The following PRDM2 variants were observed in gnomAD, a reference collection of about 807,000 sequenced individuals.
The protein encoded by PRDM2 is PR/SET domain 2.
In PRDM2, 30 loss-of-function variants were observed where a neutral mutation model predicts 130.0. That is an observed-to-expected ratio of 0.23 (90% CI 0.17 to 0.31). The LOEUF is 0.31. PRDM2 is among the 10% of genes least tolerant of loss of function. The pLI, the probability that PRDM2 is intolerant of heterozygous loss-of-function variation, is 1.00. For synonymous variants in PRDM2, 871 were observed against 782.4 expected (o/e 1.11, Z -1.89); for missense variants, 2,011 against 2,108.4 (o/e 0.95, Z 0.90).
chr1:13,760,664 GTCCTTAATTTTTC>G (rs1644075339), intron 6 of PRDM2, among the ~76,000 whole-genome samples: 1 of 152,098 alleles, frequency 6.6e-6, no homozygotes, highest in Non-Finnish European at 1.5e-5. Flanking sequence ...CCATGTTTTG[GTCCTTAATTTTTC>G]TGTCTATAAA....
chr1:13,782,729 G>T lies in PRDM2; in HGVS notation c.4934G>T (p.Ser1645Ile), dbSNP rs770044466. The T allele has an allele frequency of 1.1e-5, 17 of 1,613,868 alleles. No individual in the cohort carries two copies. Among genetic ancestry groups the T allele is most frequent in the Non-Finnish European group, 1.3e-5 (15 of 1,179,956 alleles). The part of the protein sequence containing the change: ...DRFNIKSRER[S>I]GGPVTRSLQL... ...TTCAATATAAAATCTAGAGAGCGGA[G>T]TGGGGGGCCAGTCACCCGGAGCCTT... Residue 1645 changes from serine (S) to isoleucine (I), a missense_variant, in exon 8 of 10, where the codon AGT becomes ATT. By Grantham distance (142) the Ser-to-Ile change is moderately radical. Coordinates refer to ENST00000311066, the MANE Select transcript of PRDM2 (RefSeq NM_001393986.1).
chr1:13,756,500 A>T (rs1643957671), intron 6 of PRDM2, among the ~76,000 whole-genome samples: 1 of 152,304 alleles, frequency 6.6e-6, no homozygotes, highest in East Asian at 1.9e-4. Flanking sequence ...GTGTTTTATT[A>T]ATATTCCTAA....
chr1:13,823,322 T>A lies in PRDM2; in HGVS notation c.*187T>A. On this transcript the variant is annotated 3_prime_UTR_variant, in exon 10 of 10. Transcript: ENST00000311066. Reference sequence around the variant, plus strand: ...GTTCACGTGTTCTCGTGCGGGCGCGTGAGTGGTCTTCAAACGAGGGTCCCG... The same window carrying A: ...GTTCACGTGTTCTCGTGCGGGCGCGAGAGTGGTCTTCAAACGAGGGTCCCG... The A allele has an allele frequency of 1.9e-6, 2 of 1,047,326 alleles. No individual in the cohort carries two copies. Among genetic ancestry groups the A allele is most frequent in the Non-Finnish European group, 2.9e-6 (2 of 695,352 alleles). 64.9% of individuals were successfully genotyped at this position (1,047,326 alleles called of 1,614,324 possible).
intron 8 of PRDM2, 82 bp from the exon 9 acceptor site, chr1:13,816,345 C>T: frequency 1.9e-5 from 29 of 1,543,912 alleles, no homozygotes; most frequent in South Asian, 7.1e-5. Context: ...TGGTGACCAG[C>T]ACTAAGGAAG....
intron 2 of PRDM2, among the ~76,000 whole-genome samples, chr1:13,722,189 C>T (rs1179374694): frequency 6.6e-6 from 1 of 152,194 alleles, no homozygotes; most frequent in Admixed American, 6.5e-5. Flanking sequence ...TGGGACCATT[C>T]TCCATAGGCC....
At chr1:13,715,405 A>G (rs1642502076) in intron 1 of PRDM2, 136 bp from the exon 2 acceptor site, 1 of 392,614 alleles carries the variant, frequency 2.5e-6, no homozygotes, top group East Asian at 4.1e-5. Flanking sequence ...AGCTCTCAGC[A>G]TAGATTGAAG....
intron 8 of PRDM2, among the ~76,000 whole-genome samples, chr1:13,800,593 A>G (rs1476183184): frequency 6.6e-6 from 1 of 152,204 alleles, no homozygotes; most frequent in Non-Finnish European, 1.5e-5. Context: ...GCCAGGAGGC[A>G]TATGCGCTGG....
chr1:13,802,431 C>A (rs900035744), intron 8 of PRDM2, among the ~76,000 whole-genome samples: 1 of 152,266 alleles, frequency 6.6e-6, no homozygotes, highest in Non-Finnish European at 1.5e-5. Context: ...TTGTTAGCAT[C>A]CCTGGACCGG....
chr1:13,731,391 C>CT (rs1474838223), intron 3 of PRDM2, among the ~76,000 whole-genome samples: 4 of 152,180 alleles, frequency 2.6e-5, no homozygotes, highest in African/African-American at 4.8e-5. Context: ...TCCTCCTCCT[C>CT]TGAGTCTCCC....
At chr1:13,721,116 C>T (rs967503419) in intron 2 of PRDM2, among the ~76,000 whole-genome samples, 5 of 152,062 alleles carry the variant, frequency 3.3e-5, no homozygotes, top group Non-Finnish European at 7.4e-5. Context: ...ACATATAGTC[C>T]TTGCCCTTTG....
intron 1 of PRDM2, among the ~76,000 whole-genome samples, chr1:13,709,101 C>G (rs184245966): frequency 7.9e-4 from 119 of 150,616 alleles, no homozygotes; most frequent in African/African-American, 2.9e-3. Flanking sequence ...TTTGTTTAGT[C>G]TAACAAGTGG....
intron 1 of PRDM2, among the ~76,000 whole-genome samples, chr1:13,711,230 A>G (rs139067148): frequency 1.6e-4 from 24 of 152,214 alleles, no homozygotes; most frequent in Non-Finnish European, 2.9e-4. Flanking sequence ...ACCATGTATT[A>G]GTTAAATGGG....
At chr1:13,738,415 C>T (rs532993141) in intron 4 of PRDM2, among the ~76,000 whole-genome samples, 5 of 152,210 alleles carry the variant, frequency 3.3e-5, no homozygotes, top group South Asian at 4.2e-4. Context: ...GTCCAGTGGC[C>T]GTTCACTGGG....
At chr1:13,724,656 A>G (rs1642850119) in intron 2 of PRDM2, among the ~76,000 whole-genome samples, 1 of 151,786 alleles carries the variant, frequency 6.6e-6, no homozygotes, top group Middle Eastern at 3.2e-3. Context: ...CACCATACTC[A>G]GCTAATTTTT....
At chr1:13,765,457 C>T (rs1644202546) in intron 6 of PRDM2, among the ~76,000 whole-genome samples, 1 of 151,978 alleles carries the variant, frequency 6.6e-6, no homozygotes, top group Non-Finnish European at 1.5e-5. Flanking sequence ...CATAGCATCA[C>T]TTGGCTATTC....
At chr1:13,716,921 C>G (rs2100420588) in intron 2 of PRDM2, among the ~76,000 whole-genome samples, 1 of 150,896 alleles carries the variant, frequency 6.6e-6, no homozygotes, top group East Asian at 2.0e-4. Context: ...TATCCCTCAT[C>G]AACTGAAACT....
chr1:13,785,184 C>T (rs542557951), intron 8 of PRDM2, among the ~76,000 whole-genome samples: 1 of 152,276 alleles, frequency 6.6e-6, no homozygotes, highest in South Asian at 2.1e-4. Flanking sequence ...GAACTACAGT[C>T]GTCTTTCTGT....
In PRDM2 at chr1:13,779,027, G is replaced by A. The variant is rs778928030; in HGVS notation, c.1232G>A (p.Arg411His). ...ATTAACCGGCGGCGACATGAGCGGC[G>A]CCATGAAGCAGGGTTAAAGCGGAAA... ...TQINRRRHER[R>H]HEAGLKRKPS... is the part of the protein sequence containing the mutation. The change falls in exon 8 of 10, where the codon CGC becomes CAC. Residue 411 changes from arginine (R) to histidine (H), a missense_variant. Arg to His is a conservative substitution (Grantham distance 29). Around this residue, in one of 5 missense-constraint regions of PRDM2, gnomAD observed 1,288 missense variants for 1,237.7 expected, o/e 1.04. Coordinates refer to ENST00000311066, the MANE Select transcript of PRDM2 (RefSeq NM_001393986.1). This position sits in a 1 kb window ranked among gnomAD's most constrained non-coding sequence, Gnocchi z 4.9. 6 of 1,614,130 alleles carry A rather than the reference G, an allele frequency of 3.7e-6. No homozygotes were observed. Among genetic ancestry groups the A allele is most frequent in the East Asian group, 2.2e-5 (1 of 44,876 alleles).
In PRDM2 at chr1:13,742,142, C is replaced by T. The variant is rs1169037918; in HGVS notation, c.369C>T (p.Tyr123=). ...LFPLEINRAI[Y]YKTLKPIAPG... ...CACTGGAAATCAACAGAGCCATTTACTATAAAACTTTAAAGGTAACAGCAT... is the reference window on the plus strand; with the variant it reads ...CACTGGAAATCAACAGAGCCATTTATTATAAAACTTTAAAGGTAACAGCAT... Residue 123 remains tyrosine, a synonymous_variant, in exon 5 of 10, where the codon TAC becomes TAT. Coordinates refer to ENST00000311066, the MANE Select transcript of PRDM2 (RefSeq NM_001393986.1). The T allele has an allele frequency of 6.2e-7, 1 of 1,613,784 alleles. No individual in the cohort carries two copies. The highest frequency in any genetic ancestry group is 1.7e-5 in the Admixed American group (1 of 59,970).
Sources: gnomAD v4.1 joint callset for allele counts (sites outside exome capture counted in the v4.1 genomes callset) on GRCh38, gnomAD v4.1.1 for gene constraint, gnomAD v4.1.1 regional missense constraint, Gnocchi (gnomAD v3.1) non-coding constraint, MANE v1.5 for transcripts, NCBI Gene and HGNC (gene_info 2026-07-23, HGNC 2026-07-21) for gene names.